Variants in XRCC4 observed in about 807,000 individuals in gnomAD.
XRCC4 encodes DNA repair protein XRCC4.
Under a neutral mutation model 39.1 loss-of-function variants are expected in XRCC4, and 28 were observed. The ratio of observed to expected loss-of-function variants is 0.72; its 90% CI spans 0.53 to 0.98. The LOEUF (loss-of-function observed/expected upper bound fraction) is 0.98, where lower values mean the gene tolerates loss of function less well. XRCC4 is among the 50% of genes least tolerant of loss of function. The pLI is 0.00. For synonymous variants in XRCC4, 123 were observed against 126.4 expected (o/e 0.97, Z 0.18); for missense variants, 350 against 376.4 (o/e 0.93, Z 0.58).
chr5:83,258,075 A>C (rs999784112), intron 6 of XRCC4, among the ~76,000 whole-genome samples: 1 of 152,112 alleles, frequency 6.6e-6, no homozygotes, highest in African/African-American at 2.4e-5. Context: ...CATTAGGAGA[A>C]ATACCTAATA....
chr5:83,261,590 T>C (rs68122927), intron 7 of XRCC4, among the ~76,000 whole-genome samples: 12,893 of 144,008 alleles, frequency 0.09, 919 homozygotes, highest in African/African-American at 0.19. Flanking sequence ...GAAGGAGTGG[T>C]CATAAGTACT....
At chr5:83,080,450 C>T (rs761809708) in intron 1 of XRCC4, among the ~76,000 whole-genome samples, 2 of 151,316 alleles carry the variant, frequency 1.3e-5, no homozygotes, top group South Asian at 4.2e-4. Context: ...CAATTGAACC[C>T]GGGAGGTGGA....
At chr5:83,166,077 G>T (rs1235149401) in intron 3 of XRCC4, among the ~76,000 whole-genome samples, 1 of 151,754 alleles carries the variant, frequency 6.6e-6, no homozygotes, top group Non-Finnish European at 1.5e-5. Flanking sequence ...AGTAGAGATG[G>T]GGTTTCGCCA....
intron 7 of XRCC4, among the ~76,000 whole-genome samples, chr5:83,350,835 T>G (rs1261899327): frequency 6.6e-6 from 1 of 152,208 alleles, no homozygotes; most frequent in East Asian, 1.9e-4. Context: ...CAAAAATTCT[T>G]TGCCAAGGAC....
In XRCC4 at chr5:83,212,096, A is replaced by G. The variant is rs190562083; in HGVS notation, c.745+7175A>G. Among the ~76,000 whole-genome samples the G allele has an allele frequency of 1.6e-3, 247 of 152,086 alleles. 4 individuals are homozygous for G. The highest frequency in any genetic ancestry group is 0.013 in the South Asian group (65 of 4,826). ...TATATATATACACACATACACACAT[A>G]TGTATGTTTATGTGTATATGTATAT... On this transcript the variant is annotated intron_variant, in intron 6 of 7. Transcript: ENST00000396027.
At chr5:83,160,965 TATTCC>T (rs1328112556) in intron 3 of XRCC4, among the ~76,000 whole-genome samples, 2 of 152,160 alleles carry the variant, frequency 1.3e-5, no homozygotes, top group Non-Finnish European at 2.9e-5. Context: ...GCCAGTTAAT[TATTCC>T]AAGTGCTTTG....
At chr5:83,118,079 T>C (rs28436976) in intron 3 of XRCC4, among the ~76,000 whole-genome samples, 2,525 of 45,630 alleles carry the variant, frequency 0.055, 71 homozygotes, top group African/African-American at 0.24. Context: ...CACACACACA[T>C]ATGTATATAG....
At chr5:83,296,593 T>C (rs1188011481) in intron 7 of XRCC4, among the ~76,000 whole-genome samples, 1 of 152,078 alleles carries the variant, frequency 6.6e-6, no homozygotes, top group African/African-American at 2.4e-5. Context: ...TTATTTATTT[T>C]ATTTTTTGTG....
intron 3 of XRCC4, among the ~76,000 whole-genome samples, chr5:83,148,060 G>A (rs772125443): frequency 3.6e-4 from 55 of 152,052 alleles, no homozygotes; most frequent in African/African-American, 1.2e-3. Flanking sequence ...AGTGCTGGAC[G>A]TCATCTTATA....
chr5:83,161,360 G>A lies in XRCC4; in HGVS notation c.316-34410G>A, dbSNP rs113803508. 1.6e-3 allele frequency among the ~76,000 whole-genome samples: 244 copies of A among 152,240 alleles called. 1 individual carries two copies. The highest frequency in any genetic ancestry group is 5.7e-3 in the African/African-American group (238 of 41,530). ...TTGGCCAGGCTGTTCGTGAACTCCT[G>A]ACCTCAGGTAATCCACAGGCCTCGG... On this transcript the variant is annotated intron_variant, in intron 3 of 7. Coordinates refer to ENST00000396027, the MANE Select transcript of XRCC4 (RefSeq NM_003401.5).
intron 6 of XRCC4, among the ~76,000 whole-genome samples, chr5:83,246,087 T>TA (rs1753089907): frequency 6.6e-6 from 1 of 152,102 alleles, no homozygotes; most frequent in Non-Finnish European, 1.5e-5. Context: ...CACTTTTACT[T>TA]ACAGCATTTA....
intron 7 of XRCC4, among the ~76,000 whole-genome samples, chr5:83,294,454 C>G (rs1317900619): frequency 6.6e-6 from 1 of 152,024 alleles, no homozygotes; most frequent in Non-Finnish European, 1.5e-5. Context: ...AAGTCATGTG[C>G]TCCAATTACT....
intron 3 of XRCC4, among the ~76,000 whole-genome samples, chr5:83,181,371 A>C (rs1202812331): frequency 6.6e-6 from 1 of 152,166 alleles, no homozygotes; most frequent in Non-Finnish European, 1.5e-5. Flanking sequence ...TTAAAAAGTA[A>C]ATATCAGTTT....
At chr5:83,273,153 AT>A (rs1393477246) in intron 7 of XRCC4, among the ~76,000 whole-genome samples, 1 of 152,102 alleles carries the variant, frequency 6.6e-6, no homozygotes, top group Non-Finnish European at 1.5e-5. Context: ...TGTGGTTTTC[AT>A]TTGCATTTCT....
chr5:83,260,732 T>A (rs534029636), intron 7 of XRCC4, among the ~76,000 whole-genome samples: 58 of 152,190 alleles, frequency 3.8e-4, no homozygotes, highest in African/African-American at 9.4e-4. Flanking sequence ...ACAATTAATA[T>A]TATGTTCCTT....
chr5:83,222,440 T>C (rs185117898), intron 6 of XRCC4, among the ~76,000 whole-genome samples: 1 of 152,320 alleles, frequency 6.6e-6, no homozygotes, highest in Non-Finnish European at 1.5e-5. Flanking sequence ...AACATTGTTA[T>C]TGTAGTTTGG....
At chr5:83,198,685 G>A (rs766554693) in intron 4 of XRCC4, among the ~76,000 whole-genome samples, 11 of 152,092 alleles carry the variant, frequency 7.2e-5, no homozygotes, top group Admixed American at 1.3e-4. Context: ...GATGATGGTG[G>A]AGAATAAACA....
the XRCC4 span, among the ~76,000 whole-genome samples, chr5:83,368,989 C>T: frequency 6.6e-6 from 1 of 152,082 alleles, no homozygotes; most frequent in Non-Finnish European, 1.5e-5. Context: ...TTATTTTTGT[C>T]TCTCTAATAG....
chr5:83,151,092 C>T (rs1748681192), intron 3 of XRCC4, among the ~76,000 whole-genome samples: 2 of 151,930 alleles, frequency 1.3e-5, no homozygotes, highest in Admixed American at 1.3e-4. Flanking sequence ...ACATTTTAGA[C>T]ACAGAAAAAG....
Sources: gnomAD v4.1 joint callset for allele counts (sites outside exome capture counted in the v4.1 genomes callset) on GRCh38, gnomAD v4.1.1 for gene constraint, MANE v1.5 for transcripts, NCBI Gene and HGNC (gene_info 2026-07-23, HGNC 2026-07-21) for gene names.